MSLN: variants seen among roughly 807,000 people sequenced by gnomAD.
MSLN encodes CAK1 antigen.
MSLN carries 82 observed loss-of-function variants against 72.6 expected under a neutral mutation model. The ratio of observed to expected loss-of-function variants is 1.13; its 90% CI spans 0.94 to 1.36. MSLN has a LOEUF of 1.36. Ranked by LOEUF, MSLN falls within the 40% of genes most tolerant of loss-of-function variation. The pLI, the probability that MSLN is intolerant of heterozygous loss-of-function variation, is 0.00. For missense variants in MSLN, 1,005 were observed against 847.9 expected, an observed-to-expected ratio of 1.19 and a Z score of -2.30; for synonymous variants, 456 against 387.3, an observed-to-expected ratio of 1.18 and a Z score of -2.08.
chr16:763,220 T>C lies in MSLN; in HGVS notation c.86-13T>C. On this transcript the variant is annotated splice_polypyrimidine_tract_variant and intron_variant, in intron 3 of 17. Coordinates refer to ENST00000545450, the MANE Select transcript of MSLN (RefSeq NM_005823.6). Reference sequence around the variant, plus strand: ...CCGCCCCCTCCCCCAAGCTGTCCCCTCTGCCCCTTTAGGATGGGTGCAGCC... The same window carrying C: ...CCGCCCCCTCCCCCAAGCTGTCCCCCCTGCCCCTTTAGGATGGGTGCAGCC... 4.6e-6 allele frequency: 7 copies of C among 1,521,250 alleles called. No homozygotes were observed. The highest frequency in any genetic ancestry group is 6.2e-6 in the Non-Finnish European group (7 of 1,131,936). 94.2% of individuals were successfully genotyped at this position (1,521,250 alleles called of 1,614,324 possible).
Position 764,993 on chromosome 16 carries a change from C to T in MSLN, c.467C>T (p.Ala156Val). 2 of 1,612,306 alleles carry T rather than the reference C, an allele frequency of 1.2e-6. No individual in the cohort carries two copies. Among genetic ancestry groups the T allele is most frequent in the Non-Finnish European group, 1.7e-6 (2 of 1,179,704 alleles). The change falls in exon 8 of 18, where the codon GCT (alanine) becomes GTT (valine). Residue 156 changes from alanine (A) to valine (V), a missense_variant. Physicochemically the swap from Ala to Val is moderately conservative, Grantham distance 64 (BLOSUM62 0). Coordinates refer to ENST00000545450, the MANE Select transcript of MSLN (RefSeq NM_005823.6). ...AATGTGGACCTGCTCCCGAGGGGGG[C>T]TCCCGAGCGACAGCGGCTGCTGCCT... ...KANVDLLPRG[A>V]PERQRLLPAA... is the part of the protein sequence containing the mutation.
chr16:762,786 C>T (rs754730833), intron 3 of MSLN, 21 bp downstream of exon 3: 1 of 1,551,350 alleles, frequency 6.4e-7, no homozygotes, highest in Non-Finnish European at 8.7e-7. Flanking sequence ...GATGGGGCTG[C>T]TGGTGAGGTG....
chr16:764,979 G>A lies in MSLN; in HGVS notation c.453G>A (p.Leu151=). The A allele has an allele frequency of 6.2e-7, 1 of 1,612,382 alleles. No individual in the cohort carries two copies. The highest frequency in any genetic ancestry group is 8.5e-7 in the Non-Finnish European group (1 of 1,179,744). Reference sequence around the variant, plus strand: ...GCATCACGAAGGCCAATGTGGACCTGCTCCCGAGGGGGGCTCCCGAGCGAC... The same window carrying A: ...GCATCACGAAGGCCAATGTGGACCTACTCCCGAGGGGGGCTCCCGAGCGAC... ...FSRITKANVD[L]LPRGAPERQR... Residue 151 remains leucine, a synonymous_variant, in exon 8 of 18, where the codon CTG becomes CTA. Transcript: ENST00000545450.
At chr16:764,433 G>A (rs1429089350) in intron 6 of MSLN, among the ~76,000 whole-genome samples, 3 of 152,146 alleles carry the variant, frequency 2.0e-5, no homozygotes, top group Admixed American at 6.5e-5. Context: ...AATCTTTTTC[G>A]GGGGAGTGGG....
In MSLN at chr16:768,757, C is replaced by T; in HGVS notation, c.*24C>T. The T allele has an allele frequency of 3.7e-6, 6 of 1,607,108 alleles. No individual in the cohort carries two copies. The highest frequency in any genetic ancestry group is 5.1e-6 in the Non-Finnish European group (6 of 1,177,664). On this transcript the variant is annotated 3_prime_UTR_variant, in exon 18 of 18. Transcript: ENST00000545450. Reference sequence around the variant, plus strand: ...GAGGGCCCCACTCCCTTGCTGGCCCCAGCCCTGCTGGGGATCCCCGCCTGG... The same window carrying T: ...GAGGGCCCCACTCCCTTGCTGGCCCTAGCCCTGCTGGGGATCCCCGCCTGG...
intron 7 of MSLN, 90 bp from the exon 8 acceptor site, chr16:764,817 C>T: frequency 6.3e-7 from 1 of 1,584,670 alleles, no homozygotes; most frequent in African/African-American, 1.3e-5. Context: ...TCCCAGGCCA[C>T]AGCAGAGATG....
At chr16:762,536 G>A (rs1162130453) in intron 2 of MSLN, 136 bp from the exon 3 acceptor site, 1 of 690,968 alleles carries the variant, frequency 1.4e-6, no homozygotes, top group Non-Finnish European at 2.6e-6. Context: ...CAGGGCCAGG[G>A]TGCGGACACA....
chr16:765,383 T>A, intron 9 of MSLN, 80 bp downstream of exon 9: 2 of 1,437,380 alleles, frequency 1.4e-6, no homozygotes, highest in South Asian at 1.4e-5. Flanking sequence ...CGGCCATGCC[T>A]CAAGGCCCAG....
Position 768,814 on chromosome 16 carries a change from C to G in MSLN, c.*81C>G. 7.3e-7 allele frequency: 1 copy of G among 1,368,952 alleles called. No individual in the cohort carries two copies. Among genetic ancestry groups the G allele is most frequent in the South Asian group, 1.2e-5 (1 of 85,624 alleles). 84.8% of individuals were successfully genotyped at this position (1,368,952 alleles called of 1,614,324 possible). A position where few individuals can be genotyped will look rare whatever the true frequency, so the allele number is the denominator to read the frequency against. Reference sequence around the variant, plus strand: ...GCAGGCACGGGTGGTCCCCGTTCCACCCCAAGAGAACTCGCGCTCAGTAAA... The same window carrying G: ...GCAGGCACGGGTGGTCCCCGTTCCAGCCCAAGAGAACTCGCGCTCAGTAAA... On this transcript the variant is annotated 3_prime_UTR_variant, in exon 18 of 18. Coordinates refer to ENST00000545450, the MANE Select transcript of MSLN (RefSeq NM_005823.6).
rs2151619635 is a variant in MSLN at position 768,563 on chromosome 16, A to G, written c.1781A>G (p.Gln594Arg). Residue 594 changes from glutamine (Q) to arginine (R), a missense_variant and splice_region_variant, in exon 17 of 18, where the codon CAA (glutamine) becomes CGA (arginine). Gln to Arg is a conservative substitution (Grantham distance 43). Coordinates refer to ENST00000545450, the MANE Select transcript of MSLN (RefSeq NM_005823.6). ...NGYLVLDLSM[Q>R]EALSGTPCLL... ...TACCTGGTCCTAGACCTCAGCATGC[A>G]AGGTGGGCGGGGCGGCCAGGCCAGG... The G allele has an allele frequency of 2.5e-6, 4 of 1,607,274 alleles. No homozygotes were observed. Among genetic ancestry groups the G allele is most frequent in the Non-Finnish European group, 3.4e-6 (4 of 1,177,268 alleles).
At position 768,463 on chromosome 16, in the gene MSLN, G is replaced by A. The variant is rs986221398; in HGVS notation, c.1681G>A (p.Asp561Asn). The change falls in exon 17 of 18, where the codon GAC (aspartate) becomes AAC (asparagine). Residue 561 changes from aspartate (D) to asparagine (N), a missense_variant. Transcript: ENST00000545450. ...GGAGGAGCGGCACCGCCCGGTGCGG[G>A]ACTGGATCCTACGGCAGCGGCAGGA... ...KAEERHRPVRDWILRQRQDDL... is the reference protein window; with the variant it reads ...KAEERHRPVRNWILRQRQDDL... 1.9e-5 allele frequency: 29 copies of A among 1,563,870 alleles called. No individual in the cohort carries two copies. Among genetic ancestry groups the A allele is most frequent in the Non-Finnish European group, 2.3e-5 (27 of 1,152,218 alleles).
intron 4 of MSLN, among the ~76,000 whole-genome samples, 164 bp from the exon 5 acceptor site, chr16:763,478 G>C (rs1039157531): frequency 6.6e-6 from 1 of 152,140 alleles, no homozygotes; most frequent in African/African-American, 2.4e-5. Context: ...GCTGGGTCTG[G>C]GAAGTAGATG....
chr16:762,142 G>T (rs928709317), intron 2 of MSLN, among the ~76,000 whole-genome samples: 1 of 152,212 alleles, frequency 6.6e-6, no homozygotes, highest in Non-Finnish European at 1.5e-5. Flanking sequence ...CCAAAAAGAC[G>T]CTGCTGGGTG....
chr16:762,322 T>TG (rs2041545933), intron 2 of MSLN, among the ~76,000 whole-genome samples: 1 of 151,928 alleles, frequency 6.6e-6, no homozygotes, highest in African/African-American at 2.4e-5. Flanking sequence ...TGTGCGAGAG[T>TG]GGGGAGACTC....
chr16:764,607 C>A, intron 6 of MSLN, 40 bp from the exon 7 acceptor site: 3 of 1,558,218 alleles, frequency 1.9e-6, no homozygotes, highest in Non-Finnish European at 2.7e-6. Context: ...ATGTGAGTGG[C>A]GGCTCGAAAC....
intron 6 of MSLN, 35 bp from the exon 7 acceptor site, chr16:764,612 C>T (rs372511442): frequency 8.2e-6 from 13 of 1,590,876 alleles, no homozygotes; most frequent in South Asian, 1.1e-5. Flanking sequence ...AGTGGCGGCT[C>T]GAAACGCTCT....
rs375292686 is a variant in MSLN, at chr16:764,065, G to C, written c.222G>C (p.Val74=). 7 of 1,605,692 alleles carry C rather than the reference G, an allele frequency of 4.4e-6. No individual in the cohort carries two copies. The highest frequency in any genetic ancestry group is 3.3e-4 in the Middle Eastern group (2 of 6,038). The change falls in exon 6 of 18, where the codon GTG becomes GTC. Residue 74 remains valine, a synonymous_variant. Transcript: ENST00000545450. The stretch of plus-strand genomic sequence containing the variant: ...TCCTTGGCTTCCCGTGTGCGGAGGT[G>C]TCCGGCCTGAGCACGGAGCGTGTCC... ...RQLLGFPCAE[V]SGLSTERVRE... is the part of the protein sequence containing the mutation.
chr16:766,128 A>C lies in MSLN; in HGVS notation c.965A>C (p.Glu322Ala), dbSNP rs2041604650. The change falls in exon 12 of 18, where the codon GAG (glutamate) becomes GCG (alanine). Residue 322 changes from glutamate to alanine, a missense_variant. Transcript: ENST00000545450. ...DESLIFYKKW[E>A]LEACVDAALL... is the part of the protein sequence containing the mutation. ...AGCCTCATCTTCTACAAGAAGTGGG[A>C]GCTGGAAGCCTGCGTGGATGCGGCC... 1.2e-6 allele frequency: 2 copies of C among 1,612,600 alleles called. No individual in the cohort carries two copies. The highest frequency in any genetic ancestry group is 2.7e-5 in the African/African-American group (2 of 74,932).
At position 765,512 on chromosome 16, in the gene MSLN, C is replaced by A. The variant is rs1444909620; in HGVS notation, c.705-15C>A. On this transcript the variant is annotated splice_polypyrimidine_tract_variant and intron_variant, in intron 9 of 17. Transcript: ENST00000545450. The stretch of plus-strand genomic sequence containing the variant: ...CACGTGGGGGGTCCCTGAGCTGTGT[C>A]CCGTGTCTGCACAGCCCCCCGTCGA... The A allele has an allele frequency of 1.9e-6, 3 of 1,596,918 alleles. No individual in the cohort carries two copies. The South Asian group carries it at 3.3e-5, about 18-fold the overall frequency.
Sources: gnomAD v4.1 joint callset for allele counts (sites outside exome capture counted in the v4.1 genomes callset) on GRCh38, gnomAD v4.1.1 for gene constraint, MANE v1.5 for transcripts, NCBI Gene and HGNC (gene_info 2026-07-23, HGNC 2026-07-21) for gene names.